The following NSUN7 variants were observed in gnomAD, a reference collection of about 807,000 sequenced individuals.
NSUN7 encodes the protein NOP2/Sun RNA methyltransferase family member 7, also known as protein NSUN7.
A neutral mutation model predicts 58.5 loss-of-function variants in NSUN7; 39 were observed. The observed-to-expected ratio is 0.67, with a 90% confidence interval of 0.52 to 0.87. The LOEUF is 0.87. NSUN7 is among the 40% of genes least tolerant of loss of function. The pLI, the probability that NSUN7 is intolerant of heterozygous loss-of-function variation, is 0.00. For missense variants in NSUN7, 765 were observed against 844.1 expected (o/e 0.91, Z 1.16); for synonymous variants, 278 against 303.7 (o/e 0.92, Z 0.88).
At chr4:40,787,870 C>T (rs915090872) in intron 7 of NSUN7, among the ~76,000 whole-genome samples, 5 of 152,140 alleles carry the variant, frequency 3.3e-5, no homozygotes, top group African/African-American at 9.7e-5. Context: ...CTTGCTCTGT[C>T]GCCCAGACGA....
intron 2 of NSUN7, among the ~76,000 whole-genome samples, chr4:40,757,693 GT>G (rs1741229101): frequency 7.4e-6 from 1 of 134,992 alleles, no homozygotes; most frequent in Non-Finnish European, 1.6e-5. Flanking sequence ...TACACACTGT[GT>G]ATATATATAC....
intron 7 of NSUN7, among the ~76,000 whole-genome samples, chr4:40,783,528 T>C (rs1742672316): frequency 6.6e-6 from 1 of 152,170 alleles, no homozygotes; most frequent in Admixed American, 6.6e-5. Flanking sequence ...TTAAAAACTT[T>C]TGTGCTTCAA....
At chr4:40,769,214 A>G (rs1741883061) in intron 4 of NSUN7, among the ~76,000 whole-genome samples, 1 of 152,186 alleles carries the variant, frequency 6.6e-6, no homozygotes, top group Admixed American at 6.5e-5. Flanking sequence ...CCTTAGATAC[A>G]TTTCCCTGGC....
chr4:40,766,558 C>G (rs181674605), intron 4 of NSUN7, among the ~76,000 whole-genome samples: 1 of 152,154 alleles, frequency 6.6e-6, no homozygotes, highest in Non-Finnish European at 1.5e-5. Flanking sequence ...TTGGCTGTGT[C>G]TCTGCCTGGC....
chr4:40,758,267 G>A (rs1307991895), intron 2 of NSUN7, among the ~76,000 whole-genome samples: 1 of 151,896 alleles, frequency 6.6e-6, no homozygotes, highest in Non-Finnish European at 1.5e-5. Context: ...GCTCAAAGAG[G>A]TCTGCCAAGT....
intron 4 of NSUN7, among the ~76,000 whole-genome samples, chr4:40,772,071 A>G (rs990978268): frequency 1.8e-4 from 27 of 152,144 alleles, no homozygotes; most frequent in African/African-American, 6.3e-4. Context: ...TTACATAAAA[A>G]TCTGTATAAC....
chr4:40,758,327 A>G (rs1186579853), intron 2 of NSUN7, among the ~76,000 whole-genome samples: 1 of 152,186 alleles, frequency 6.6e-6, no homozygotes, highest in Non-Finnish European at 1.5e-5. Flanking sequence ...AAAAGTACAA[A>G]AAGTATGAAG....
chr4:40,757,867 T>C (rs1161733433), intron 2 of NSUN7, among the ~76,000 whole-genome samples: 1 of 151,330 alleles, frequency 6.6e-6, no homozygotes, highest in African/African-American at 2.4e-5. Flanking sequence ...GATGTTCTGT[T>C]CTCTTGTCGT....
Position 40,794,457 on chromosome 4 carries a change from G to A in NSUN7, c.1263G>A (p.Gln421=). The A allele has an allele frequency of 1.2e-6, 2 of 1,606,694 alleles. No homozygotes were observed. The highest frequency in any genetic ancestry group is 3.3e-4 in the Middle Eastern group (2 of 6,050). Reference sequence around the variant, plus strand: ...TTCTTGCTCAACAGCAGTATGAACAGCTAACACATGCAATGAAATGTAAGG... The same window carrying A: ...TTCTTGCTCAACAGCAGTATGAACAACTAACACATGCAATGAAATGTAAGG... ...LHVLAQQQYE[Q]LTHAMKFTKA... Residue 421 remains glutamine, a synonymous_variant, in exon 9 of 12, where the codon CAG becomes CAA. Coordinates refer to ENST00000381782, the MANE Select transcript of NSUN7 (RefSeq NM_024677.6).
intron 7 of NSUN7, among the ~76,000 whole-genome samples, chr4:40,787,713 A>T (rs1170829750): frequency 1.3e-5 from 2 of 152,242 alleles, no homozygotes; most frequent in Non-Finnish European, 2.9e-5. Context: ...TTATTCCTAT[A>T]TGATGTTGTC....
chr4:40,758,035 C>T (rs1399733796), intron 2 of NSUN7, among the ~76,000 whole-genome samples: 1 of 152,032 alleles, frequency 6.6e-6, no homozygotes, highest in African/African-American at 2.4e-5. Flanking sequence ...ATTCTCTTGC[C>T]TCAGCTTCCC....
In NSUN7 at chr4:40,775,954, A is replaced by G; in HGVS notation, c.826-95A>G. Reference sequence around the variant, plus strand: ...TAAAATTGGTTAGGTCTCTAATATTACTATGAGGTACTTTCTTTTATGTAA... The same window carrying G: ...TAAAATTGGTTAGGTCTCTAATATTGCTATGAGGTACTTTCTTTTATGTAA... On this transcript the variant is annotated intron_variant, in intron 6 of 11. Transcript: ENST00000381782. This position sits in a 1 kb window ranked among gnomAD's most constrained non-coding sequence, Gnocchi z 4.3. 1.4e-6 allele frequency: 1 copy of G among 712,690 alleles called. No homozygotes were observed. The highest frequency in any genetic ancestry group is 2.2e-6 in the Non-Finnish European group (1 of 446,330). 44.1% of individuals were successfully genotyped at this position (712,690 alleles called of 1,614,324 possible). A position where few individuals can be genotyped will look rare whatever the true frequency, so the allele number is the denominator to read the frequency against.
chr4:40,794,543 GATCT>G, intron 9 of NSUN7, 67 bp downstream of exon 9: 2 of 951,990 alleles, frequency 2.1e-6, no homozygotes, highest in Admixed American at 4.0e-5. Flanking sequence ...AGTCTTTCAC[GATCT>G]ATTATAATCA....
At position 40,810,687 on chromosome 4, in the gene NSUN7, T is replaced by TATC. The variant is rs544820684; in HGVS notation, c.*1750_*1752dup. The stretch of plus-strand genomic sequence containing the variant: ...ATCCCTGAAGAAGAATTCTTCATGT[T>TATC]ATCACTCTTGTACAGAAAGATATAA... On this transcript the variant is annotated 3_prime_UTR_variant, in exon 12 of 12. Coordinates refer to ENST00000381782, the MANE Select transcript of NSUN7 (RefSeq NM_024677.6). The TATC allele has an allele frequency of 8.5e-5, 13 of 152,298 alleles. No homozygotes were observed. The highest frequency in any genetic ancestry group is 2.0e-4 in the Admixed American group (3 of 15,288). The allele number at this position is 152,298 out of a possible 1,614,324, so 9.4% of individuals were successfully genotyped here.
At chr4:40,757,592 T>C (rs1423080195) in intron 2 of NSUN7, among the ~76,000 whole-genome samples, 1 of 145,940 alleles carries the variant, frequency 6.9e-6, no homozygotes, top group Non-Finnish European at 1.5e-5. Flanking sequence ...TATATACACA[T>C]TGTGTGTATA....
At chr4:40,800,382 C>T (rs931187569) in intron 10 of NSUN7, among the ~76,000 whole-genome samples, 1 of 152,006 alleles carries the variant, frequency 6.6e-6, no homozygotes, top group Non-Finnish European at 1.5e-5. Flanking sequence ...CTCTGTTGCC[C>T]AGGCTAGAGT....
intron 9 of NSUN7, among the ~76,000 whole-genome samples, chr4:40,797,582 A>G (rs933575933): frequency 2.6e-5 from 4 of 152,214 alleles, no homozygotes; most frequent in Admixed American, 6.5e-5. Flanking sequence ...CTGTCAGTGT[A>G]TGAGGTAGGT....
intron 2 of NSUN7, among the ~76,000 whole-genome samples, chr4:40,752,337 G>C (rs1740875280): frequency 1.3e-5 from 2 of 152,222 alleles, no homozygotes; most frequent in Admixed American, 1.3e-4. Flanking sequence ...AGTACTTTTG[G>C]AGGTGGAGGT....
intron 2 of NSUN7, among the ~76,000 whole-genome samples, chr4:40,759,728 A>G (rs182290742): frequency 1.6e-4 from 25 of 152,334 alleles, no homozygotes; most frequent in Non-Finnish European, 3.5e-4. Flanking sequence ...GAACATGAAC[A>G]TACAACAAAA....
Sources: allele counts gnomAD v4.1 joint callset (sites outside exome capture counted in the v4.1 genomes callset), GRCh38; gene constraint gnomAD v4.1.1; non-coding constraint Gnocchi (gnomAD v3.1); transcripts MANE v1.5; gene names NCBI Gene and HGNC (gene_info 2026-07-23, HGNC 2026-07-21).